The following ANKFN1 variants were observed in gnomAD, a reference collection of about 807,000 sequenced individuals.
ANKFN1 encodes ankyrin repeat and fibronectin type-III domain-containing protein 1.
Under a neutral mutation model 108.7 loss-of-function variants are expected in ANKFN1, and 74 were observed. The ratio of observed to expected loss-of-function variants is 0.68; its 90% CI spans 0.56 to 0.83. The LOEUF (loss-of-function observed/expected upper bound fraction) is 0.83. Among genes scored for constraint, ANKFN1 ranks in the 40% least tolerant of loss-of-function variants. The probability of loss-of-function intolerance (pLI) is 0.00; values close to 1 mark genes in which losing one functional copy is unlikely to be tolerated. For synonymous variants in ANKFN1, 547 were observed against 516.2 expected (o/e 1.06, Z -0.81); for missense variants, 1,505 against 1,382.3 (o/e 1.09, Z -1.41).
At chr17:56,288,445 G>T (rs1231269824) in intron 3 of ANKFN1, among the ~76,000 whole-genome samples, 2 of 151,556 alleles carry the variant, frequency 1.3e-5, no homozygotes, top group Non-Finnish European at 2.9e-5. Context: ...GCTGGATTCT[G>T]CCACGTGAAT....
chr17:56,398,758 T>C (rs1212647106), intron 8 of ANKFN1, among the ~76,000 whole-genome samples: 1 of 152,158 alleles, frequency 6.6e-6, no homozygotes, highest in East Asian at 1.9e-4. Flanking sequence ...AACATCTTTG[T>C]GATCTTGGAA....
chr17:56,224,299 G>C (rs1916088700), intron 2 of ANKFN1, among the ~76,000 whole-genome samples: 1 of 152,106 alleles, frequency 6.6e-6, no homozygotes, highest in South Asian at 2.1e-4. Context: ...GAGAATCAGT[G>C]GGATAGAGAA....
chr17:56,268,971 T>G lies in ANKFN1; in HGVS notation c.53+41014T>G, dbSNP rs181509987. 2.6e-5 allele frequency among the ~76,000 whole-genome samples: 4 copies of G among 152,302 alleles called. No individual in the cohort carries two copies. In the East Asian group the frequency reaches 7.7e-4, roughly 29 times the overall value. On this transcript the variant is annotated intron_variant, in intron 3 of 20. Transcript: ENST00000682825. ...TGCTTCACAAATAACTGACTCCTAT[T>G]CTTTGTGACATTTCCACTGCTAAGA... is the stretch of plus-strand genomic sequence containing the variant.
intron 14 of ANKFN1, among the ~76,000 whole-genome samples, chr17:56,459,887 T>C (rs139750003): frequency 1.3e-5 from 2 of 152,314 alleles, no homozygotes; most frequent in Non-Finnish European, 2.9e-5. Context: ...CTTTTCATAA[T>C]GCATCAGCCC....
intron 4 of ANKFN1, among the ~76,000 whole-genome samples, chr17:56,333,696 T>C (rs57698771): frequency 0.033 from 5,023 of 152,120 alleles, 268 homozygotes; most frequent in African/African-American, 0.11. Flanking sequence ...GCCTTGAAAA[T>C]GAAGCCAAAG....
At position 56,350,834 on chromosome 17, in the gene ANKFN1, C is replaced by T. The variant is rs768663674; in HGVS notation, c.257C>T (p.Ala86Val). 103 of 1,613,828 alleles carry T rather than the reference C, an allele frequency of 6.4e-5. No homozygotes were observed. Among genetic ancestry groups the T allele is most frequent in the Non-Finnish European group, 8.7e-5 (103 of 1,179,856 alleles). The change falls in exon 5 of 21, where the codon GCT becomes GTT. Residue 86 changes from alanine to valine, a missense_variant. Physicochemically the swap from Ala to Val is moderately conservative, Grantham distance 64. Transcript: ENST00000682825. ...LHLCQSKKHS[A>V]PSSPNAAKRL... The stretch of plus-strand genomic sequence containing the variant: ...CTCTGTCAGTCAAAAAAACATAGTG[C>T]TCCCTCATCTCCCAACGCAGCCAAA...
intron 8 of ANKFN1, among the ~76,000 whole-genome samples, chr17:56,396,320 C>T (rs144241211): frequency 5.9e-5 from 9 of 152,054 alleles, no homozygotes; most frequent in Admixed American, 1.3e-4. Context: ...TGGTGGCACA[C>T]GCCTGTAATT....
chr17:56,337,059 T>C (rs1413941158), intron 4 of ANKFN1, among the ~76,000 whole-genome samples: 2 of 152,210 alleles, frequency 1.3e-5, no homozygotes, highest in East Asian at 3.8e-4. Flanking sequence ...TGAGTTCTAA[T>C]TTGATTGCAC....
intron 18 of ANKFN1, among the ~76,000 whole-genome samples, chr17:56,485,813 A>G (rs889369859): frequency 1.3e-5 from 2 of 152,202 alleles, no homozygotes; most frequent in Non-Finnish European, 2.9e-5. Context: ...TTTAACCTGC[A>G]TAAGAATCAC....
chr17:56,487,696 T>C (rs570755773), intron 18 of ANKFN1, among the ~76,000 whole-genome samples: 1 of 152,284 alleles, frequency 6.6e-6, no homozygotes, highest in South Asian at 2.1e-4. Flanking sequence ...GATACAGGTA[T>C]CCCTACCGAT....
chr17:56,327,155 C>T (rs938208903), intron 4 of ANKFN1, among the ~76,000 whole-genome samples: 5 of 152,146 alleles, frequency 3.3e-5, no homozygotes, highest in Admixed American at 6.6e-5. Flanking sequence ...CTCCAAAAAT[C>T]CCCATACTCA....
In ANKFN1 at chr17:56,515,916, A is replaced by C. The variant is rs1268059466; in HGVS notation, c.*4647A>C. On this transcript the variant is annotated 3_prime_UTR_variant, in exon 21 of 21. Coordinates refer to ENST00000682825, the MANE Select transcript of ANKFN1 (RefSeq NM_001370326.1). ...CTGTGAAAAATATTCTATTGTGATA[A>C]AGGAAGTAGATTTGTTGTTGTTTTA... Among the ~76,000 whole-genome samples, 1 of 152,186 alleles carries C rather than the reference A, an allele frequency of 6.6e-6. No individual in the cohort carries two copies. The highest frequency in any genetic ancestry group is 1.5e-5 in the Non-Finnish European group (1 of 68,020).
At chr17:56,360,308 G>C (rs940411765) in intron 6 of ANKFN1, among the ~76,000 whole-genome samples, 1 of 152,066 alleles carries the variant, frequency 6.6e-6, no homozygotes. Flanking sequence ...TGGAATGCTC[G>C]AGTGCTTTTA....
intron 1 of ANKFN1, among the ~76,000 whole-genome samples, chr17:56,197,011 G>A (rs1913573186): frequency 6.6e-6 from 1 of 152,156 alleles, no homozygotes; most frequent in Admixed American, 6.5e-5. Context: ...ATATTTCCTA[G>A]TACTTCATAA....
chr17:56,279,138 CT>C (rs1274378913), intron 3 of ANKFN1, among the ~76,000 whole-genome samples: 3 of 152,080 alleles, frequency 2.0e-5, no homozygotes, highest in Admixed American at 6.6e-5. Context: ...TAGCCTCTGC[CT>C]TTGAGGAGAT....
chr17:56,308,698 G>A (rs1471013896), intron 3 of ANKFN1, among the ~76,000 whole-genome samples: 1 of 152,018 alleles, frequency 6.6e-6, no homozygotes, highest in Non-Finnish European at 1.5e-5. Context: ...GTTAGCTGTT[G>A]GATTTTTGGT....
chr17:56,153,635 C>T (rs186279313), intron 1 of ANKFN1, 105 bp downstream of exon 1: 23 of 1,459,308 alleles, frequency 1.6e-5, no homozygotes, highest in Non-Finnish European at 2.1e-5. Flanking sequence ...TGAATTCGGG[C>T]GTTAGCTGGT....
intron 14 of ANKFN1, among the ~76,000 whole-genome samples, chr17:56,462,697 T>C (rs1018994119): frequency 2.6e-5 from 4 of 152,236 alleles, no homozygotes; most frequent in African/African-American, 9.6e-5. Flanking sequence ...GATTTTCCTC[T>C]GGTGCATCTC....
rs1339737082 is a variant in ANKFN1, at chr17:56,158,326, A to T, written c.-71+4796A>T. On this transcript the variant is annotated intron_variant, in intron 1 of 20. Coordinates refer to ENST00000682825, the MANE Select transcript of ANKFN1 (RefSeq NM_001370326.1). Reference sequence around the variant, plus strand: ...AACATGGGCTCATCCTCCCAACCCAAGACCTTTTTAAAAAGAAAGGGAAGA... The same window carrying T: ...AACATGGGCTCATCCTCCCAACCCATGACCTTTTTAAAAAGAAAGGGAAGA... 3.3e-5 allele frequency among the ~76,000 whole-genome samples: 5 copies of T among 152,220 alleles called. No homozygotes were observed. The South Asian group carries it at 1.0e-3, about 31-fold the overall frequency.
Sources: allele counts gnomAD v4.1 joint callset (sites outside exome capture counted in the v4.1 genomes callset), GRCh38; gene constraint gnomAD v4.1.1; transcripts MANE v1.5; gene names NCBI Gene and HGNC (gene_info 2026-07-23, HGNC 2026-07-21).